Variants in WWP2 observed in about 807,000 individuals in gnomAD.
WWP2 encodes WW domain containing E3 ubiquitin protein ligase 2, also known as NEDD4-like E3 ubiquitin-protein ligase WWP2.
In WWP2, 57 loss-of-function variants were observed where a neutral mutation model predicts 121.0. That is an observed-to-expected ratio of 0.47 (90% confidence interval 0.38 to 0.59). WWP2 has a LOEUF of 0.59. WWP2 is among the 20% of genes least tolerant of loss of function. The pLI is 0.00. For missense variants in WWP2, 962 were observed against 1,158.9 expected, an observed-to-expected ratio of 0.83 and a Z score of 2.47; for synonymous variants, 449 against 441.3, an observed-to-expected ratio of 1.02 and a Z score of -0.22.
At chr16:69,865,531 C>T (rs896455386) in intron 6 of WWP2, among the ~76,000 whole-genome samples, 6 of 152,158 alleles carry the variant, frequency 3.9e-5, no homozygotes, top group African/African-American at 1.2e-4. Flanking sequence ...CCATAACCTG[C>T]AGGCAGGAAG....
rs1465550430 is a variant in WWP2 at position 69,931,520 on chromosome 16, A to T, written c.1533A>T (p.Leu511=). 6.2e-7 allele frequency: 1 copy of T among 1,612,726 alleles called. No homozygotes were observed. Among genetic ancestry groups the T allele is most frequent in the Non-Finnish European group, 8.5e-7 (1 of 1,179,758 alleles). ...QFRFLCHSNA[L]PSHVKISVSR... ...TTTTTTTTTTTCAGTCAAATGCCCT[A>T]CCTAGCCACGTGAAGATCAGCGTTT... is the stretch of plus-strand genomic sequence containing the variant. The change falls in exon 15 of 24, where the codon CTA becomes CTT. Residue 511 remains leucine (L), a synonymous_variant. Coordinates refer to ENST00000359154, the MANE Select transcript of WWP2 (RefSeq NM_001270454.2).
chr16:69,823,146 A>G (rs1191327609), intron 4 of WWP2, among the ~76,000 whole-genome samples: 1 of 152,224 alleles, frequency 6.6e-6, no homozygotes, highest in African/African-American at 2.4e-5. Context: ...AGAAAAAAGT[A>G]AAAACAAAAA....
At chr16:69,875,377 G>A (rs1276770843) in intron 7 of WWP2, among the ~76,000 whole-genome samples, 1 of 152,218 alleles carries the variant, frequency 6.6e-6, no homozygotes, top group Non-Finnish European at 1.5e-5. Context: ...GACTGATCAG[G>A]ATGGTAGTTG....
At chr16:69,876,956 A>G (rs1445681255) in intron 7 of WWP2, among the ~76,000 whole-genome samples, 1 of 152,178 alleles carries the variant, frequency 6.6e-6, no homozygotes, top group Non-Finnish European at 1.5e-5. Flanking sequence ...AAACACAAGC[A>G]GAGTAGATTT....
At chr16:69,877,182 G>A (rs183576515) in intron 7 of WWP2, among the ~76,000 whole-genome samples, 1 of 152,290 alleles carries the variant, frequency 6.6e-6, no homozygotes, top group Non-Finnish European at 1.5e-5. Flanking sequence ...GTTTCGTGTG[G>A]CCAACCCCGT....
chr16:69,926,716 G>A (rs867874088), intron 11 of WWP2, among the ~76,000 whole-genome samples: 1 of 152,150 alleles, frequency 6.6e-6, no homozygotes, highest in African/African-American at 2.4e-5. Context: ...GATCCCTTAC[G>A]CAGATAGCTG....
chr16:69,867,010 G>A (rs959990323), intron 6 of WWP2, among the ~76,000 whole-genome samples: 4 of 151,682 alleles, frequency 2.6e-5, no homozygotes, highest in Middle Eastern at 3.4e-3. Context: ...GCTAATTTTT[G>A]TTTTTAGTAG....
At chr16:69,766,869 T>C (rs1429296534) in intron 1 of WWP2, among the ~76,000 whole-genome samples, 1 of 152,172 alleles carries the variant, frequency 6.6e-6, no homozygotes, top group Non-Finnish European at 1.5e-5. Context: ...CTCTCCTGCC[T>C]CAGCCTCCTG....
chr16:69,805,045 T>TG, intron 4 of WWP2, among the ~76,000 whole-genome samples: 1 of 144,616 alleles, frequency 6.9e-6, no homozygotes, highest in East Asian at 2.0e-4. Context: ...CTTGGTAGAC[T>TG]TTTTTTTTTT....
At chr16:69,875,128 A>G (rs2057713481) in intron 7 of WWP2, among the ~76,000 whole-genome samples, 1 of 152,246 alleles carries the variant, frequency 6.6e-6, no homozygotes, top group African/African-American at 2.4e-5. Context: ...GACTATCACA[A>G]TAAAGTGAAT....
chr16:69,883,949 ATTTCG>A (rs1259200261), intron 7 of WWP2, among the ~76,000 whole-genome samples: 1 of 152,154 alleles, frequency 6.6e-6, no homozygotes, highest in African/African-American at 2.4e-5. Context: ...GTGGTCAGCT[ATTTCG>A]TAATAATTAT....
chr16:69,912,583 GT>G (rs940260957), intron 9 of WWP2, among the ~76,000 whole-genome samples: 2 of 151,960 alleles, frequency 1.3e-5, no homozygotes, highest in Non-Finnish European at 2.9e-5. Flanking sequence ...TTGTTTGTTT[GT>G]TTGTTTTTGC....
At chr16:69,909,476 A>G (rs2058349005) in intron 9 of WWP2, 7 of 985,494 alleles carry the variant, frequency 7.1e-6, no homozygotes, top group Non-Finnish European at 8.4e-6. Flanking sequence ...TGTTTGGTTC[A>G]GCTGTCAGGC....
At chr16:69,826,472 T>C (rs1457446364) in intron 4 of WWP2, among the ~76,000 whole-genome samples, 1 of 148,084 alleles carries the variant, frequency 6.8e-6, no homozygotes, top group Non-Finnish European at 1.5e-5. Context: ...CTTGGGAGGC[T>C]GAGACAGGAG....
At chr16:69,896,954 C>T (rs2058114118) in intron 8 of WWP2, among the ~76,000 whole-genome samples, 2 of 152,046 alleles carry the variant, frequency 1.3e-5, no homozygotes, top group Non-Finnish European at 2.9e-5. Context: ...TGATAATCTT[C>T]CAGTATATGC....
At chr16:69,818,868 T>G (rs192037987) in intron 4 of WWP2, among the ~76,000 whole-genome samples, 1 of 152,300 alleles carries the variant, frequency 6.6e-6, no homozygotes, top group East Asian at 1.9e-4. Flanking sequence ...TCCAGCCTCC[T>G]TGCTTTAAAT....
chr16:69,765,628 A>G (rs1208444464), intron 1 of WWP2, among the ~76,000 whole-genome samples: 1 of 152,210 alleles, frequency 6.6e-6, no homozygotes, highest in African/African-American at 2.4e-5. Flanking sequence ...TTTCAAGACC[A>G]GCCTGACCAA....
intron 4 of WWP2, among the ~76,000 whole-genome samples, chr16:69,805,636 G>T (rs2056259834): frequency 6.6e-6 from 1 of 151,202 alleles, no homozygotes; most frequent in South Asian, 2.1e-4. Flanking sequence ...TTTGAGACAG[G>T]ATCTTGCTTT....
chr16:69,842,265 C>A, intron 6 of WWP2, 145 bp downstream of exon 6: 1 of 702,104 alleles, frequency 1.4e-6, no homozygotes, highest in Non-Finnish European at 2.4e-6. Flanking sequence ...GTTAAGAAAG[C>A]TAATAGAGGA....
Sources: allele counts gnomAD v4.1 joint callset (sites outside exome capture counted in the v4.1 genomes callset), GRCh38; gene constraint gnomAD v4.1.1; transcripts MANE v1.5; gene names NCBI Gene and HGNC (gene_info 2026-07-23, HGNC 2026-07-21).